The following TMTC1 variants were observed in gnomAD, a reference collection of about 807,000 sequenced individuals.
TMTC1 encodes the protein transmembrane O-mannosyltransferase targeting cadherins 1.
TMTC1 carries 73 observed loss-of-function variants against 104.8 expected under a neutral mutation model. That is an observed-to-expected ratio of 0.70 (90% confidence interval 0.58 to 0.85). The LOEUF is 0.85. TMTC1 is among the 40% of genes least tolerant of loss of function. The pLI is 0.00. For missense variants in TMTC1, 1,035 were observed against 1,096.1 expected, an observed-to-expected ratio of 0.94 and a Z score of 0.79; for synonymous variants, 434 against 428.7, an observed-to-expected ratio of 1.01 and a Z score of -0.15.
At chr12:29,544,527 T>C (rs1469809909) in intron 10 of TMTC1, among the ~76,000 whole-genome samples, 1 of 152,148 alleles carries the variant, frequency 6.6e-6, no homozygotes, top group East Asian at 1.9e-4. Context: ...TTGGAACGAC[T>C]CTTGGTGTCT....
rs541937215 is a variant in TMTC1 at position 29,514,904 on chromosome 12, C to CT, written c.2308-301dup. Among the ~76,000 whole-genome samples, 725 of 152,116 alleles carry CT rather than the reference C, an allele frequency of 4.8e-3. 6 individuals are homozygous for CT. Among genetic ancestry groups the CT allele is most frequent in the African/African-American group, 0.016 (682 of 41,510 alleles). Reference sequence around the variant, plus strand: ...TGGTGCACACCTGTAATCCCGGCTACTGGGGGGGCTGAGATGGGAGGATCT... The same window carrying CT: ...TGGTGCACACCTGTAATCCCGGCTACTTGGGGGGGCTGAGATGGGAGGATCT... On this transcript the variant is annotated intron_variant, in intron 15 of 17. Coordinates refer to ENST00000539277, the MANE Select transcript of TMTC1 (RefSeq NM_001193451.2).
chr12:29,584,837 C>G (rs1198961364), intron 7 of TMTC1, among the ~76,000 whole-genome samples: 2 of 150,668 alleles, frequency 1.3e-5, no homozygotes, highest in East Asian at 3.9e-4. Context: ...TCCAGTCTAT[C>G]ATTGTTGGAC....
At chr12:29,601,642 G>C (rs968082008) in intron 7 of TMTC1, among the ~76,000 whole-genome samples, 2 of 152,210 alleles carry the variant, frequency 1.3e-5, no homozygotes, top group South Asian at 2.1e-4. Flanking sequence ...ACAGGGATGT[G>C]TTTTCCAGCT....
At chr12:29,720,470 G>T (rs947466166) in intron 5 of TMTC1, among the ~76,000 whole-genome samples, 14 of 151,992 alleles carry the variant, frequency 9.2e-5, no homozygotes, top group African/African-American at 3.1e-4. Flanking sequence ...AGACCAATAA[G>T]ATTTGAATAT....
intron 6 of TMTC1, among the ~76,000 whole-genome samples, chr12:29,626,573 G>A (rs961946206): frequency 6.6e-6 from 1 of 152,116 alleles, no homozygotes; most frequent in African/African-American, 2.4e-5. Context: ...ACGATGCAGA[G>A]AAAACTGGAT....
rs556228491 is a variant in TMTC1, at chr12:29,742,512, A to T, written c.938+9154T>A. On this transcript the variant is annotated intron_variant, in intron 5 of 17. Transcript: ENST00000539277. ...AATATAAATAGTATCAAAAATTCACAAATCTACAAAATGAAACACATCCTA... is the reference window on the plus strand; with the variant it reads ...AATATAAATAGTATCAAAAATTCACTAATCTACAAAATGAAACACATCCTA... 3.9e-5 allele frequency among the ~76,000 whole-genome samples: 6 copies of T among 152,296 alleles called. No homozygotes were observed. The South Asian group carries it at 1.2e-3, about 32-fold the overall frequency.
intron 6 of TMTC1, among the ~76,000 whole-genome samples, chr12:29,608,582 T>C (rs1946763795): frequency 1.3e-5 from 2 of 152,222 alleles, no homozygotes; most frequent in South Asian, 2.1e-4. Flanking sequence ...AGAAAAGGAA[T>C]TGATACCTAT....
At chr12:29,532,794 C>T (rs901450111) in intron 11 of TMTC1, 1 of 152,092 alleles carries the variant, frequency 6.6e-6, no homozygotes, top group African/African-American at 2.4e-5. Flanking sequence ...ACAATGTTGA[C>T]ACTCATCTTA....
At chr12:29,662,589 G>A (rs1311354469) in intron 5 of TMTC1, among the ~76,000 whole-genome samples, 2 of 148,422 alleles carry the variant, frequency 1.3e-5, no homozygotes, top group African/African-American at 5.0e-5. Context: ...GGCGGAGGTT[G>A]CAGTGAGCCG....
At chr12:29,594,401 C>T (rs1946356545) in intron 7 of TMTC1, among the ~76,000 whole-genome samples, 1 of 152,238 alleles carries the variant, frequency 6.6e-6, no homozygotes, top group Non-Finnish European at 1.5e-5. Flanking sequence ...TAGGCATAGG[C>T]CTCATAATGT....
chr12:29,689,671 TTTAAA>T (rs1050199147), intron 5 of TMTC1, among the ~76,000 whole-genome samples: 1 of 152,210 alleles, frequency 6.6e-6, no homozygotes, highest in African/African-American at 2.4e-5. Flanking sequence ...ACATTCAGAA[TTTAAA>T]TTAATTATGT....
chr12:29,679,294 G>T (rs1940834087), intron 5 of TMTC1, among the ~76,000 whole-genome samples: 1 of 151,700 alleles, frequency 6.6e-6, no homozygotes, highest in African/African-American at 2.4e-5. Context: ...GTTTCCCCTG[G>T]GTATTGATAT....
At chr12:29,728,421 A>G (rs1485639357) in intron 5 of TMTC1, among the ~76,000 whole-genome samples, 1 of 152,142 alleles carries the variant, frequency 6.6e-6, no homozygotes, top group East Asian at 1.9e-4. Context: ...AACTGCCCAC[A>G]TGTGGGAAGC....
chr12:29,723,694 C>A (rs1415983633), intron 5 of TMTC1, among the ~76,000 whole-genome samples: 1 of 152,052 alleles, frequency 6.6e-6, no homozygotes, highest in Non-Finnish European at 1.5e-5. Context: ...GGAAACAAAG[C>A]AAGACCCTGT....
chr12:29,606,553 C>T lies in TMTC1; in HGVS notation c.1129-2254G>A, dbSNP rs556760585. On this transcript the variant is annotated intron_variant, in intron 6 of 17. Coordinates refer to ENST00000539277, the MANE Select transcript of TMTC1 (RefSeq NM_001193451.2). ...TAGTTGATTACTTCTTTTCATGCTT[C>T]GAAAGCTAAAATACTTTTTTACAAA... Among the ~76,000 whole-genome samples the T allele has an allele frequency of 6.6e-5, 10 of 152,228 alleles. No individual in the cohort carries two copies. In the South Asian group the frequency reaches 2.1e-3, roughly 32 times the overall value.
At chr12:29,749,576 C>T (rs1943038432) in intron 5 of TMTC1, among the ~76,000 whole-genome samples, 1 of 152,070 alleles carries the variant, frequency 6.6e-6, no homozygotes, top group Non-Finnish European at 1.5e-5. Context: ...CACGATTTCC[C>T]CAATTGTTTC....
chr12:29,556,383 C>T (rs1035088245), intron 10 of TMTC1, among the ~76,000 whole-genome samples: 6 of 152,166 alleles, frequency 3.9e-5, no homozygotes, highest in Admixed American at 2.0e-4. Context: ...TTTGTCTATA[C>T]CTTCAGAGAA....
chr12:29,664,165 C>G (rs974927125), intron 5 of TMTC1, among the ~76,000 whole-genome samples: 1 of 146,324 alleles, frequency 6.8e-6, no homozygotes, highest in Non-Finnish European at 1.5e-5. Flanking sequence ...CCAGCCTGGG[C>G]GACAGAGCGA....
Position 29,584,276 on chromosome 12 carries a change from G to C in TMTC1, c.1251-702C>G, listed in dbSNP as rs183183220. Among the ~76,000 whole-genome samples the C allele has an allele frequency of 8.2e-4, 125 of 152,200 alleles. 1 individual carries two copies. The highest frequency in any genetic ancestry group is 3.0e-3 in the African/African-American group (123 of 41,532). On this transcript the variant is annotated intron_variant, in intron 7 of 17. Coordinates refer to ENST00000539277, the MANE Select transcript of TMTC1 (RefSeq NM_001193451.2). ...AAAGCCTTTGGCTTGGTGCTACATG[G>C]TCCCTCACATCATCTATGCACCAAC...
Sources: allele counts gnomAD v4.1 joint callset (sites outside exome capture counted in the v4.1 genomes callset), GRCh38; gene constraint gnomAD v4.1.1; transcripts MANE v1.5; gene names NCBI Gene and HGNC (gene_info 2026-07-23, HGNC 2026-07-21).